Variants in CAMKMT observed in about 807,000 individuals in gnomAD.
The protein encoded by CAMKMT is calmodulin-lysine N-methyltransferase.
Under a neutral mutation model 48.0 loss-of-function variants are expected in CAMKMT, and 53 were observed. That is an observed-to-expected ratio of 1.10 (90% CI 0.89 to 1.39). The LOEUF (loss-of-function observed/expected upper bound fraction) is 1.39. Ranked by LOEUF, CAMKMT falls within the 40% of genes most tolerant of loss-of-function variation. The pLI, the probability that CAMKMT is intolerant of heterozygous loss-of-function variation, is 0.00. For missense variants in CAMKMT, 428 were observed against 402.7 expected, an observed-to-expected ratio of 1.06 and a Z score of -0.54; for synonymous variants, 165 against 152.3, an observed-to-expected ratio of 1.08 and a Z score of -0.61.
At chr2:44,612,368 A>G (rs1402493614) in intron 3 of CAMKMT, among the ~76,000 whole-genome samples, 3 of 152,214 alleles carry the variant, frequency 2.0e-5, no homozygotes, top group Admixed American at 2.0e-4. Context: ...CAATAAAGAT[A>G]GCATCACACT....
chr2:44,370,888 A>G (rs975115851), intron 1 of CAMKMT, among the ~76,000 whole-genome samples: 3 of 152,174 alleles, frequency 2.0e-5, no homozygotes, highest in Non-Finnish European at 4.4e-5. Context: ...ATTGCTCACT[A>G]CAACCTCAAA....
chr2:44,654,265 T>A (rs1674246458), intron 3 of CAMKMT, among the ~76,000 whole-genome samples: 1 of 152,170 alleles, frequency 6.6e-6, no homozygotes, highest in Non-Finnish European at 1.5e-5. Flanking sequence ...GAATTTAGGT[T>A]TAGAATTATA....
intron 3 of CAMKMT, among the ~76,000 whole-genome samples, chr2:44,485,937 G>T (rs1369316594): frequency 6.6e-6 from 1 of 151,998 alleles, no homozygotes; most frequent in Non-Finnish European, 1.5e-5. Flanking sequence ...TCTTAAACTG[G>T]GTGATGATTA....
intron 7 of CAMKMT, among the ~76,000 whole-genome samples, chr2:44,739,762 A>G (rs1229522233): frequency 6.6e-6 from 1 of 152,216 alleles, no homozygotes; most frequent in African/African-American, 2.4e-5. Context: ...TTGGCAACAG[A>G]GCGTCAAACA....
intron 3 of CAMKMT, among the ~76,000 whole-genome samples, chr2:44,438,206 T>C (rs1666403015): frequency 6.6e-6 from 1 of 152,216 alleles, no homozygotes; most frequent in Non-Finnish European, 1.5e-5. Context: ...CCAGTGTTCA[T>C]GCTCTTAACC....
At chr2:44,407,184 G>C (rs1682838793) in intron 3 of CAMKMT, among the ~76,000 whole-genome samples, 1 of 152,198 alleles carries the variant, frequency 6.6e-6, no homozygotes, top group African/African-American at 2.4e-5. Flanking sequence ...CTTGTGCTTA[G>C]TTTAGAGCCT....
At position 44,733,450 on chromosome 2, in the gene CAMKMT, A is replaced by G. The variant is rs564432877; in HGVS notation, c.624-10172A>G. ...AGCTTATTTTTGTATATCTCTTTAT[A>G]CAGAAAGGGACTGTAATCTCCAGTG... is the stretch of plus-strand genomic sequence containing the variant. On this transcript the variant is annotated intron_variant, in intron 7 of 10. Transcript: ENST00000378494. 1.1e-4 allele frequency among the ~76,000 whole-genome samples: 17 copies of G among 152,308 alleles called. No homozygotes were observed. The South Asian group carries it at 3.5e-3, about 32-fold the overall frequency.
intron 3 of CAMKMT, among the ~76,000 whole-genome samples, chr2:44,632,681 A>T (rs1293379465): frequency 6.6e-6 from 1 of 152,146 alleles, no homozygotes. Context: ...GCCAAAGGAG[A>T]TTACCATTTG....
intron 3 of CAMKMT, among the ~76,000 whole-genome samples, chr2:44,440,432 C>T (rs572094894): frequency 1.3e-5 from 2 of 152,272 alleles, no homozygotes; most frequent in Admixed American, 1.3e-4. Context: ...CATTTGAAAA[C>T]CAGATCCTAC....
chr2:44,533,026 C>T (rs1666575603), intron 3 of CAMKMT, among the ~76,000 whole-genome samples: 1 of 151,842 alleles, frequency 6.6e-6, no homozygotes, highest in East Asian at 1.9e-4. Flanking sequence ...GTTGGCCAGG[C>T]TGGCCTCGAA....
intron 3 of CAMKMT, among the ~76,000 whole-genome samples, chr2:44,454,727 G>A (rs1344559269): frequency 6.6e-6 from 1 of 152,082 alleles, no homozygotes; most frequent in Non-Finnish European, 1.5e-5. Context: ...CAATGAATCT[G>A]TGTAGAAGTC....
chr2:44,408,973 C>T (rs1682974680), intron 3 of CAMKMT, among the ~76,000 whole-genome samples: 1 of 151,306 alleles, frequency 6.6e-6, no homozygotes. Context: ...AACTCCTGAG[C>T]TCAAGCGATT....
chr2:44,700,314 G>A (rs113520016), intron 3 of CAMKMT, among the ~76,000 whole-genome samples: 6 of 152,186 alleles, frequency 3.9e-5, no homozygotes, highest in East Asian at 1.9e-4. Flanking sequence ...CTTATCATTC[G>A]TGTGTTCACT....
intron 3 of CAMKMT, among the ~76,000 whole-genome samples, chr2:44,463,699 G>T (rs372631394): frequency 6.6e-6 from 1 of 152,062 alleles, no homozygotes; most frequent in Non-Finnish European, 1.5e-5. Context: ...ACAGACAGGC[G>T]CAAGAGGGAG....
intron 3 of CAMKMT, among the ~76,000 whole-genome samples, chr2:44,507,711 C>G (rs1670332242): frequency 6.6e-6 from 1 of 152,108 alleles, no homozygotes; most frequent in Non-Finnish European, 1.5e-5. Context: ...CTCATTATCC[C>G]CATTTTACTG....
intron 6 of CAMKMT, among the ~76,000 whole-genome samples, chr2:44,709,610 TATGA>T (rs1677763010): frequency 6.6e-6 from 1 of 152,206 alleles, no homozygotes; most frequent in South Asian, 2.1e-4. Flanking sequence ...CTGAGGTTAA[TATGA>T]ATGATTTTTT....
At chr2:44,527,779 T>G (rs1317737328) in intron 3 of CAMKMT, among the ~76,000 whole-genome samples, 1 of 113,436 alleles carries the variant, frequency 8.8e-6, no homozygotes, top group African/African-American at 3.0e-5. Context: ...CTCCCACATG[T>G]GTACAGCCCC....
chr2:44,613,714 C>G (rs1278181957), intron 3 of CAMKMT, among the ~76,000 whole-genome samples: 1 of 152,096 alleles, frequency 6.6e-6, no homozygotes, highest in Non-Finnish European at 1.5e-5. Flanking sequence ...CTCATGATAT[C>G]CTTAGGAGTT....
chr2:44,474,481 T>C (rs1241941602), intron 3 of CAMKMT, among the ~76,000 whole-genome samples: 1 of 146,480 alleles, frequency 6.8e-6, no homozygotes, highest in East Asian at 2.0e-4. Context: ...AAAAAAGAAA[T>C]GTAGTAAGTA....
Sources: allele counts gnomAD v4.1 joint callset (sites outside exome capture counted in the v4.1 genomes callset), GRCh38; gene constraint gnomAD v4.1.1; transcripts MANE v1.5; gene names NCBI Gene and HGNC (gene_info 2026-07-23, HGNC 2026-07-21).